APBB2: variants seen among roughly 807,000 people sequenced by gnomAD.
APBB2 encodes amyloid beta precursor protein binding family B member 2, also known as Fe65-like 1.
Under a neutral mutation model 82.5 loss-of-function variants are expected in APBB2, and 38 were observed. The ratio of observed to expected loss-of-function variants is 0.46; its 90% CI spans 0.36 to 0.60. The LOEUF is 0.60. Ranked by LOEUF, APBB2 falls within the 20% of genes least tolerant of loss-of-function variation. APBB2 has a pLI of 0.00. For missense variants in APBB2, 772 were observed against 972.3 expected, an observed-to-expected ratio of 0.79 and a Z score of 2.74; for synonymous variants, 341 against 368.2, an observed-to-expected ratio of 0.93 and a Z score of 0.85.
chr4:40,903,404 T>A (rs1029033928), intron 10 of APBB2, among the ~76,000 whole-genome samples: 1 of 151,980 alleles, frequency 6.6e-6, no homozygotes, highest in Non-Finnish European at 1.5e-5. Context: ...GAGGCAGAGG[T>A]TGCAGTGAGC....
Position 41,052,583 on chromosome 4 carries a change from T to C in APBB2, c.-51+12993A>G, listed in dbSNP as rs541131701. 5.9e-5 allele frequency among the ~76,000 whole-genome samples: 9 copies of C among 152,292 alleles called. 1 individual carries two copies. The South Asian group carries it at 8.3e-4, about 14-fold the overall frequency. ...ACAGCACTGAGGATGTTAACACACC[T>C]AACAGTTTCTGTGGTCCTGTTCCTA... On this transcript the variant is annotated intron_variant, in intron 4 of 17. Transcript: ENST00000508593.
At chr4:41,174,613 G>C (rs1189502897) in intron 1 of APBB2, among the ~76,000 whole-genome samples, 1 of 152,176 alleles carries the variant, frequency 6.6e-6, no homozygotes, top group Non-Finnish European at 1.5e-5. Context: ...GAAACATACA[G>C]AGCCATTAGA....
At chr4:41,052,910 C>T (rs1299063373) in intron 4 of APBB2, among the ~76,000 whole-genome samples, 1 of 151,864 alleles carries the variant, frequency 6.6e-6, no homozygotes, top group African/African-American at 2.4e-5. Flanking sequence ...ATTACAGGCA[C>T]CAGCCACTGC....
At chr4:41,038,235 T>TAAAC (rs1201003224) in intron 4 of APBB2, among the ~76,000 whole-genome samples, 1 of 151,456 alleles carries the variant, frequency 6.6e-6, no homozygotes, top group Non-Finnish European at 1.5e-5. Flanking sequence ...AATAAATAAA[T>TAAAC]AGATAAATAA....
At chr4:41,016,419 T>C (rs143388687) in intron 5 of APBB2, among the ~76,000 whole-genome samples, 6,333 of 152,204 alleles carry the variant, frequency 0.042, 270 homozygotes, top group African/African-American at 0.11. Flanking sequence ...CCCAGCACTT[T>C]GGGAGGCTGA....
chr4:41,035,132 C>T (rs911152984), intron 4 of APBB2, among the ~76,000 whole-genome samples: 3 of 152,046 alleles, frequency 2.0e-5, no homozygotes, highest in Admixed American at 2.0e-4. Context: ...AATGCACTTC[C>T]ATGAAAAGTT....
Position 40,813,001 on chromosome 4 carries a change from T to A in APBB2, c.*3091A>T, listed in dbSNP as rs1744720890. ...CAGTGCTTTAGTCTGCAAAGGAAAGTTTTTAGCCATAGGCATGTTGGCTAG... is the reference window on the plus strand; with the variant it reads ...CAGTGCTTTAGTCTGCAAAGGAAAGATTTTAGCCATAGGCATGTTGGCTAG... On this transcript the variant is annotated 3_prime_UTR_variant, in exon 18 of 18. Coordinates refer to ENST00000508593, the MANE Select transcript of APBB2 (RefSeq NM_004307.2). 1.3e-5 allele frequency: 2 copies of A among 152,168 alleles called. No homozygotes were observed. The highest frequency in any genetic ancestry group is 4.8e-5 in the African/African-American group (2 of 41,430). The allele number at this position is 152,168 out of a possible 1,614,324, so 9.4% of individuals were successfully genotyped here.
At chr4:41,134,315 C>T (rs1756935970) in intron 2 of APBB2, among the ~76,000 whole-genome samples, 1 of 152,028 alleles carries the variant, frequency 6.6e-6, no homozygotes, top group South Asian at 2.1e-4. Flanking sequence ...CGCAGTGGCT[C>T]ATGCCTGTAA....
At position 40,828,724 on chromosome 4, in the gene APBB2, C is replaced by T. The variant is rs565924448; in HGVS notation, c.1645-1505G>A. 1.4e-4 allele frequency among the ~76,000 whole-genome samples: 22 copies of T among 152,324 alleles called. No individual in the cohort carries two copies. In the East Asian group the frequency reaches 4.2e-3, roughly 29 times the overall value. Reference sequence around the variant, plus strand: ...CAGGCCGCAATGCTGCAAATGGCAGCAACACCCCCGTCTCATCAATGCAAG... The same window carrying T: ...CAGGCCGCAATGCTGCAAATGGCAGTAACACCCCCGTCTCATCAATGCAAG... On this transcript the variant is annotated intron_variant, in intron 13 of 17. Transcript: ENST00000508593.
chr4:41,113,878 C>G (rs1296145933), intron 2 of APBB2: 2 of 152,200 alleles, frequency 1.3e-5, no homozygotes, highest in African/African-American at 2.4e-5. Flanking sequence ...CTCCTGAGAT[C>G]AGGAGTTTGA....
At chr4:41,175,558 T>A (rs1469084525) in intron 1 of APBB2, among the ~76,000 whole-genome samples, 2 of 152,192 alleles carry the variant, frequency 1.3e-5, no homozygotes, top group East Asian at 3.8e-4. Context: ...CCAATCAAGC[T>A]GTATCATTCC....
At chr4:40,918,338 A>C (rs1228234244) in intron 10 of APBB2, among the ~76,000 whole-genome samples, 2 of 152,256 alleles carry the variant, frequency 1.3e-5, no homozygotes, top group Non-Finnish European at 2.9e-5. Context: ...TTTTGCAGGC[A>C]ATGCCACACC....
In APBB2 at chr4:40,811,033, G is replaced by GTT. The variant is rs1577600017; in HGVS notation, c.*5057_*5058dup. ...GATGTTGTCTCATTGTTATGGAATA[G>GTT]TTTAGGATAATTTTCTGATCTCTAC... On this transcript the variant is annotated 3_prime_UTR_variant, in exon 18 of 18. Coordinates refer to ENST00000508593, the MANE Select transcript of APBB2 (RefSeq NM_004307.2). 2 of 152,166 alleles carry GTT rather than the reference G, an allele frequency of 1.3e-5. No individual in the cohort carries two copies. Among genetic ancestry groups the GTT allele is most frequent in the African/African-American group, 4.8e-5 (2 of 41,436 alleles). 9.4% of individuals were successfully genotyped at this position (152,166 alleles called of 1,614,324 possible).
intron 1 of APBB2, among the ~76,000 whole-genome samples, chr4:41,170,477 T>C (rs542247408): frequency 1.2e-4 from 19 of 152,272 alleles, no homozygotes; most frequent in African/African-American, 4.6e-4. Context: ...ATCACTTCCA[T>C]AATATTCTTA....
intron 6 of APBB2, among the ~76,000 whole-genome samples, chr4:40,978,340 A>G (rs1388019326): frequency 1.3e-5 from 2 of 152,220 alleles, no homozygotes; most frequent in East Asian, 3.8e-4. Context: ...TTTCAAGATA[A>G]ATGTGCATCT....
intron 4 of APBB2, among the ~76,000 whole-genome samples, chr4:41,045,205 T>A (rs901761584): frequency 5.3e-5 from 8 of 152,132 alleles, no homozygotes; most frequent in African/African-American, 1.7e-4. Context: ...TAATTCAGAC[T>A]TACGCTGCTC....
At chr4:41,200,991 G>A (rs559965305) in intron 1 of APBB2, among the ~76,000 whole-genome samples, 1 of 152,252 alleles carries the variant, frequency 6.6e-6, no homozygotes, top group East Asian at 1.9e-4. Context: ...CAACCTTAGT[G>A]TGCCTCACCT....
At chr4:40,983,600 C>T (rs187447898) in intron 6 of APBB2, among the ~76,000 whole-genome samples, 7 of 150,222 alleles carry the variant, frequency 4.7e-5, no homozygotes, top group South Asian at 2.1e-4. Context: ...TTTTTAAAGA[C>T]GGAGTCTCAC....
intron 7 of APBB2, among the ~76,000 whole-genome samples, chr4:40,943,538 G>A (rs1429351021): frequency 6.6e-6 from 1 of 152,192 alleles, no homozygotes; most frequent in African/African-American, 2.4e-5. Flanking sequence ...ATCCAACTGG[G>A]TGGGGACAGG....
Sources: gnomAD v4.1 joint callset for allele counts (sites outside exome capture counted in the v4.1 genomes callset) on GRCh38, gnomAD v4.1.1 for gene constraint, MANE v1.5 for transcripts, NCBI Gene and HGNC (gene_info 2026-07-23, HGNC 2026-07-21) for gene names.